IL1RAPL1: variants seen among roughly 807,000 people sequenced by gnomAD.
IL1RAPL1 encodes interleukin 1 receptor accessory protein like 1, also known as interleukin-1 receptor accessory protein-like 1.
IL1RAPL1 carries 3 observed loss-of-function variants against 48.4 expected under a neutral mutation model. The observed-to-expected ratio is 0.06, with a 90% CI of 0.03 to 0.16. The LOEUF (loss-of-function observed/expected upper bound fraction) is 0.16, where lower values mean the gene tolerates loss of function less well. Ranked by LOEUF, IL1RAPL1 falls within the 10% of genes least tolerant of loss-of-function variation. The pLI is 1.00. For synonymous variants in IL1RAPL1, 185 were observed against 187.7 expected (o/e 0.99, Z 0.12); for missense variants, 349 against 530.6 (o/e 0.66, Z 3.36).
intron 2 of IL1RAPL1, among the ~76,000 whole-genome samples, chrX:29,016,200 A>G (rs1438795115): frequency 1.8e-5 from 2 of 111,691 alleles, no homozygotes; most frequent in East Asian, 2.8e-4. Flanking sequence ...TAAAGCCTGC[A>G]CTAGAAGGTT....
chrX:29,919,830 A>C (rs1455780882), intron 7 of IL1RAPL1, 119 bp from the exon 8 acceptor site: 2 of 714,384 alleles, frequency 2.8e-6, no homozygotes, highest in Non-Finnish European at 4.5e-6. Context: ...TTCATAGCCA[A>C]ATTAGAAGCA....
chrX:29,113,101 G>T (rs143210393), intron 2 of IL1RAPL1, among the ~76,000 whole-genome samples: 1 of 111,515 alleles, frequency 9.0e-6, no homozygotes, highest in African/African-American at 3.3e-5. Context: ...GTGAGCCACC[G>T]TGCCCAGTCA....
At chrX:28,733,079 A>T (rs1221891249) in intron 1 of IL1RAPL1, among the ~76,000 whole-genome samples, 1 of 108,967 alleles carries the variant, frequency 9.2e-6, no homozygotes, top group Non-Finnish European at 1.9e-5. Context: ...TGGTTGTAAC[A>T]ATTTATTATA....
chrX:29,834,347 C>T (rs913096746), intron 6 of IL1RAPL1, among the ~76,000 whole-genome samples: 2 of 111,311 alleles, frequency 1.8e-5, no homozygotes, highest in African/African-American at 6.5e-5. Context: ...AAGGATATAC[C>T]GATGACTCTA....
intron 2 of IL1RAPL1, among the ~76,000 whole-genome samples, chrX:28,883,634 C>T: frequency 9.0e-6 from 1 of 111,354 alleles, no homozygotes; most frequent in Non-Finnish European, 1.9e-5. Flanking sequence ...ATTCTTTTTG[C>T]CTGCTTATAT....
chrX:29,627,185 T>A (rs761488000), intron 5 of IL1RAPL1, among the ~76,000 whole-genome samples: 4 of 112,260 alleles, frequency 3.6e-5, no homozygotes, highest in Non-Finnish European at 5.6e-5. Context: ...GATTAGCAGA[T>A]GATTTTAAAA....
intron 2 of IL1RAPL1, among the ~76,000 whole-genome samples, chrX:28,920,608 C>G (rs910512665): frequency 8.9e-6 from 1 of 111,856 alleles, no homozygotes; most frequent in Non-Finnish European, 1.9e-5. Flanking sequence ...CACCCTTCTT[C>G]AAAAGTTGTA....
At chrX:29,461,716 G>A (rs1346979680) in intron 5 of IL1RAPL1, among the ~76,000 whole-genome samples, 8 of 111,966 alleles carry the variant, frequency 7.1e-5, no homozygotes, top group Non-Finnish European at 1.5e-4. Flanking sequence ...GCAAAGACAT[G>A]GATTGATCTC....
intron 2 of IL1RAPL1, among the ~76,000 whole-genome samples, chrX:29,240,217 TATA>T (rs1569267397): frequency 0.025 from 592 of 24,070 alleles, 10 homozygotes; most frequent in East Asian, 0.042. Context: ...TATATATATA[TATA>T]TATATTTTTT....
chrX:28,873,523 CTTTTTTTTTTTTT>C (rs10554661), intron 2 of IL1RAPL1, among the ~76,000 whole-genome samples: 3 of 56,679 alleles, frequency 5.3e-5, no homozygotes, highest in Non-Finnish European at 8.9e-5. Flanking sequence ...TTCTTTCTTT[CTTTTTTTTTTTTT>C]TTTTTTTTTT....
intron 1 of IL1RAPL1, among the ~76,000 whole-genome samples, chrX:28,724,692 G>C (rs760985084): frequency 9.0e-6 from 1 of 111,082 alleles, no homozygotes; most frequent in Non-Finnish European, 1.9e-5. Context: ...TCCTAGCCTC[G>C]ATGGTCTTTA....
rs1278598961 is a variant in IL1RAPL1, at chrX:29,333,064, G to A, written c.362+49847G>A. ...GTCTACTTCTATCCACACAGACCCG[G>A]CAACCATCCGATTTCTCAATTTTTT... On this transcript the variant is annotated intron_variant, in intron 3 of 10. Coordinates refer to ENST00000378993, the MANE Select transcript of IL1RAPL1 (RefSeq NM_014271.4). Among the ~76,000 whole-genome samples the A allele has an allele frequency of 4.5e-5, 5 of 112,332 alleles. No individual in the cohort carries two copies. The South Asian group carries it at 1.9e-3, about 43-fold the overall frequency.
chrX:29,838,393 G>T (rs1194884872), intron 6 of IL1RAPL1, among the ~76,000 whole-genome samples: 3 of 112,240 alleles, frequency 2.7e-5, no homozygotes, highest in African/African-American at 9.7e-5. Flanking sequence ...ATCTCCTCAA[G>T]TATCAAGAGC....
chrX:29,866,591 C>CA (rs754416087), intron 6 of IL1RAPL1, among the ~76,000 whole-genome samples: 25 of 103,190 alleles, frequency 2.4e-4, no homozygotes, highest in East Asian at 8.9e-4. Context: ...AGGTATGAAG[C>CA]AAAAAAAAAT....
intron 5 of IL1RAPL1, among the ~76,000 whole-genome samples, chrX:29,613,281 T>C (rs1004882039): frequency 2.7e-5 from 3 of 112,259 alleles, no homozygotes; most frequent in African/African-American, 9.7e-5. Flanking sequence ...ATTGATGAGA[T>C]ATTTTGTCTT....
chrX:28,629,597 CTAAA>C (rs962331262), intron 1 of IL1RAPL1, among the ~76,000 whole-genome samples: 3 of 112,131 alleles, frequency 2.7e-5, no homozygotes, highest in African/African-American at 6.5e-5. Flanking sequence ...TGATAATTCT[CTAAA>C]TAGGTAGGAT....
chrX:29,204,530 G>A (rs1930624400), intron 2 of IL1RAPL1, among the ~76,000 whole-genome samples: 1 of 111,309 alleles, frequency 9.0e-6, no homozygotes, highest in Non-Finnish European at 1.9e-5. Context: ...TTTAAGAAAT[G>A]TCTATTCATC....
intron 5 of IL1RAPL1, among the ~76,000 whole-genome samples, chrX:29,492,999 C>A (rs930363193): frequency 9.0e-6 from 1 of 111,651 alleles, no homozygotes; most frequent in Admixed American, 9.6e-5. Flanking sequence ...GCTTGTTTTT[C>A]CTTTCATTTA....
At chrX:29,142,812 T>A (rs966743842) in intron 2 of IL1RAPL1, among the ~76,000 whole-genome samples, 1 of 110,174 alleles carries the variant, frequency 9.1e-6, no homozygotes, top group Admixed American at 9.7e-5. Flanking sequence ...GCAATTCTTG[T>A]GCCTCAGCCT....
Sources: allele counts gnomAD v4.1 joint callset (sites outside exome capture counted in the v4.1 genomes callset), GRCh38; gene constraint gnomAD v4.1.1; transcripts MANE v1.5; gene names NCBI Gene and HGNC (gene_info 2026-07-23, HGNC 2026-07-21).